Variants in FARP1 observed in about 807,000 individuals in gnomAD.
FARP1 encodes the protein FERM, ARH/RhoGEF and pleckstrin domain protein 1, also known as FERM, ARHGEF and pleckstrin domain-containing protein 1.
FARP1 carries 52 observed loss-of-function variants against 128.8 expected under a neutral mutation model. That is an observed-to-expected ratio of 0.40 (90% CI 0.32 to 0.51). FARP1 has a LOEUF of 0.51. Among genes scored for constraint, FARP1 ranks in the 20% least tolerant of loss-of-function variants. The pLI is 0.45. For synonymous variants in FARP1, 580 were observed against 551.8 expected (o/e 1.05, Z -0.72); for missense variants, 1,333 against 1,367.9 (o/e 0.97, Z 0.40).
chr13:98,371,512 C>G (rs1477322776), intron 5 of FARP1, among the ~76,000 whole-genome samples: 2 of 152,052 alleles, frequency 1.3e-5, no homozygotes, highest in African/African-American at 4.8e-5. Context: ...TCCAAGGAGA[C>G]AGTTCTTTTG....
intron 13 of FARP1, chr13:98,397,059 T>C (rs1890578673): frequency 6.6e-6 from 1 of 152,232 alleles, no homozygotes; most frequent in Admixed American, 6.5e-5. Context: ...GAATAATGAA[T>C]ATTTTAATGG....
chr13:98,357,423 C>T (rs980891497), intron 3 of FARP1, among the ~76,000 whole-genome samples: 1 of 152,148 alleles, frequency 6.6e-6, no homozygotes, highest in African/African-American at 2.4e-5. Context: ...AAGTGTTCTA[C>T]AGTTTTGTTG....
chr13:98,194,831 T>A (rs535861219), intron 1 of FARP1, among the ~76,000 whole-genome samples: 7 of 152,354 alleles, frequency 4.6e-5, no homozygotes, highest in Middle Eastern at 3.4e-3. Context: ...AATTTTAAAG[T>A]GTTCCTAGTG....
At chr13:98,241,135 T>C (rs1882748516) in intron 2 of FARP1, among the ~76,000 whole-genome samples, 1 of 152,172 alleles carries the variant, frequency 6.6e-6, no homozygotes, top group Non-Finnish European at 1.5e-5. Flanking sequence ...TGCCAAGGAA[T>C]GCAAAAACTG....
At chr13:98,435,138 A>G (rs1270168138) in intron 18 of FARP1, 2 of 157,920 alleles carry the variant, frequency 1.3e-5, no homozygotes, top group African/African-American at 4.8e-5. Context: ...TCACAATATC[A>G]ATTACACCTC....
chr13:98,187,484 G>C (rs1878954135), intron 1 of FARP1, among the ~76,000 whole-genome samples: 1 of 152,230 alleles, frequency 6.6e-6, no homozygotes, highest in African/African-American at 2.4e-5. Flanking sequence ...TTGGCAGGTG[G>C]AGATGTGGGG....
At chr13:98,391,508 C>T (rs1890305273) in intron 11 of FARP1, among the ~76,000 whole-genome samples, 1 of 152,172 alleles carries the variant, frequency 6.6e-6, no homozygotes, top group Non-Finnish European at 1.5e-5. Context: ...TGGGCTCAAG[C>T]CATCTTCCCG....
intron 1 of FARP1, among the ~76,000 whole-genome samples, chr13:98,165,032 T>C (rs1397522966): frequency 1.3e-5 from 2 of 151,934 alleles, no homozygotes; most frequent in Non-Finnish European, 2.9e-5. Context: ...CTGGGCAGCA[T>C]GGCAAAACCC....
intron 2 of FARP1, among the ~76,000 whole-genome samples, chr13:98,305,625 C>T (rs775263737): frequency 5.3e-5 from 8 of 152,208 alleles, no homozygotes; most frequent in Admixed American, 2.0e-4. Context: ...TGAGCCACCA[C>T]GCGGGCCCTG....
intron 2 of FARP1, among the ~76,000 whole-genome samples, chr13:98,318,847 T>C (rs1311394023): frequency 6.6e-6 from 1 of 152,236 alleles, no homozygotes; most frequent in Non-Finnish European, 1.5e-5. Flanking sequence ...CGTTTGTATC[T>C]TTCTGGAAAG....
At chr13:98,437,116 C>T (rs946944616) in intron 19 of FARP1, among the ~76,000 whole-genome samples, 6 of 152,248 alleles carry the variant, frequency 3.9e-5, no homozygotes, top group African/African-American at 1.2e-4. Flanking sequence ...TAATTATCTT[C>T]GTTTTCCCCC....
At chr13:98,172,337 G>T (rs1332316890) in intron 1 of FARP1, among the ~76,000 whole-genome samples, 1 of 151,972 alleles carries the variant, frequency 6.6e-6, no homozygotes, top group Non-Finnish European at 1.5e-5. Context: ...GCGTCATGGG[G>T]GTTGGCACGG....
chr13:98,423,203 C>T (rs1891654327), intron 16 of FARP1, among the ~76,000 whole-genome samples: 1 of 152,184 alleles, frequency 6.6e-6, no homozygotes, highest in Non-Finnish European at 1.5e-5. Flanking sequence ...CTTTCCCACT[C>T]AACTGACTCA....
intron 2 of FARP1, among the ~76,000 whole-genome samples, chr13:98,248,557 T>C (rs1321857585): frequency 6.6e-6 from 1 of 152,196 alleles, no homozygotes; most frequent in East Asian, 1.9e-4. Flanking sequence ...CTTACCACAC[T>C]GGATAACACA....
intron 2 of FARP1, chr13:98,334,466 TAATA>T (rs201952845): frequency 6.9e-6 from 1 of 145,244 alleles, no homozygotes; most frequent in African/African-American, 2.6e-5. Flanking sequence ...GTGGCAGCAA[TAATA>T]AAGAATGTGT....
chr13:98,215,294 A>G (rs1477711463), intron 2 of FARP1, among the ~76,000 whole-genome samples: 2 of 152,166 alleles, frequency 1.3e-5, no homozygotes, highest in African/African-American at 4.8e-5. Context: ...CATGCTCTCT[A>G]ATAAACTCCT....
rs1216451713 is a variant in FARP1, at chr13:98,176,530, C to T, written c.-24+33038C>T. 7 of 1,614,066 alleles carry T rather than the reference C, an allele frequency of 4.3e-6. No homozygotes were observed. The South Asian group carries it at 7.7e-5, about 18-fold the overall frequency. ...TTCATGGTTTTCGTCCTCGCAGATA[C>T]AGTAGCGACCCTCTTCAAGCTCCCG... On this transcript the variant is annotated intron_variant, in intron 1 of 26. Coordinates refer to ENST00000319562, the MANE Select transcript of FARP1 (RefSeq NM_005766.4). The surrounding 1 kb of genome is among the most constrained non-coding windows in gnomAD (Gnocchi z 6.2).
chr13:98,397,659 C>G (rs1011981241), intron 13 of FARP1: 1 of 151,978 alleles, frequency 6.6e-6, no homozygotes, highest in African/African-American at 2.4e-5. Context: ...TTAGTGATGC[C>G]GGGACCCTGA....
In FARP1 at chr13:98,261,475, C is replaced by G. The variant is rs1366627656; in HGVS notation, c.171+48062C>G. ...TTCGTTGACCAGATCACATTCCTCT[C>G]TATAGATTTCAGTCAGCTCCCACTG... On this transcript the variant is annotated intron_variant, in intron 2 of 26. Coordinates refer to ENST00000319562, the MANE Select transcript of FARP1 (RefSeq NM_005766.4). Among the ~76,000 whole-genome samples, 5 of 151,608 alleles carry G rather than the reference C, an allele frequency of 3.3e-5. No homozygotes were observed. In the East Asian group the frequency reaches 7.7e-4, roughly 23 times the overall value.
Sources: allele counts gnomAD v4.1 joint callset (sites outside exome capture counted in the v4.1 genomes callset), GRCh38; gene constraint gnomAD v4.1.1; non-coding constraint Gnocchi (gnomAD v3.1); transcripts MANE v1.5; gene names NCBI Gene and HGNC (gene_info 2026-07-23, HGNC 2026-07-21).